The following CTBP2 variants were observed in gnomAD, a reference collection of about 807,000 sequenced individuals.
CTBP2 encodes C-terminal-binding protein 2.
In CTBP2, 30 loss-of-function variants were observed where a neutral mutation model predicts 80.3. The ratio of observed to expected loss-of-function variants is 0.37; its 90% CI spans 0.28 to 0.51. The LOEUF (loss-of-function observed/expected upper bound fraction) is 0.51, where lower values mean the gene tolerates loss of function less well. CTBP2 is among the 20% of genes least tolerant of loss of function. CTBP2 has a pLI of 0.93. For missense variants in CTBP2, 1,212 were observed against 1,375.3 expected (o/e 0.88, Z 1.88); for synonymous variants, 594 against 587.4 (o/e 1.01, Z -0.16).
chr10:125,148,389 G>A (rs925811143), intron 1 of CTBP2, among the ~76,000 whole-genome samples: 10 of 152,190 alleles, frequency 6.6e-5, no homozygotes, highest in African/African-American at 2.4e-4. Flanking sequence ...TGCTGCTGCA[G>A]CCCCCTTCCC....
chr10:125,038,729 T>C (rs369999726), intron 3 of CTBP2, among the ~76,000 whole-genome samples: 2 of 152,152 alleles, frequency 1.3e-5, no homozygotes, highest in African/African-American at 4.8e-5. Context: ...TAACCTTAGG[T>C]ACATGGAAGA....
Position 124,987,243 on chromosome 10 carries a change from C to T in CTBP2, c.*2275G>A, listed in dbSNP as rs1952073650. 6.6e-6 allele frequency: 1 copy of T among 152,540 alleles called. No homozygotes were observed. The highest frequency in any genetic ancestry group is 2.1e-4 in the South Asian group (1 of 4,830). The allele number at this position is 152,540 out of a possible 1,614,324, so 9.4% of individuals were successfully genotyped here. On this transcript the variant is annotated 3_prime_UTR_variant, in exon 9 of 9. Coordinates refer to ENST00000309035, the MANE Select transcript of CTBP2 (RefSeq NM_022802.3). Reference sequence around the variant, plus strand: ...TGATTATACGTGGCTAGGTGACAGACATTAATGACTGACTCTGGAGAGTAA... The same window carrying T: ...TGATTATACGTGGCTAGGTGACAGATATTAATGACTGACTCTGGAGAGTAA...
intron 2 of CTBP2, among the ~76,000 whole-genome samples, chr10:125,064,284 G>C (rs988062779): frequency 2.6e-5 from 4 of 152,174 alleles, no homozygotes; most frequent in Non-Finnish European, 4.4e-5. Context: ...GACAACAATG[G>C]ATTGATCTTT....
chr10:125,005,412 G>A (rs1221547428), intron 1 of CTBP2: 1 of 827,922 alleles, frequency 1.2e-6, no homozygotes, highest in Admixed American at 2.6e-5. Context: ...CACTCCTGCT[G>A]CTGCCCCGAC....
At chr10:125,151,392 G>T (rs1168302110) in intron 1 of CTBP2, among the ~76,000 whole-genome samples, 1 of 152,168 alleles carries the variant, frequency 6.6e-6, no homozygotes, top group African/African-American at 2.4e-5. Flanking sequence ...GAGTTCTGCT[G>T]AAGGTCTCAG....
intron 1 of CTBP2, among the ~76,000 whole-genome samples, chr10:125,025,241 AT>A (rs1183895460): frequency 6.6e-6 from 1 of 152,184 alleles, no homozygotes; most frequent in Non-Finnish European, 1.5e-5. Flanking sequence ...AAGAAAACTG[AT>A]TTACATTTTA....
chr10:125,107,446 CG>C (rs61288059), intron 2 of CTBP2, among the ~76,000 whole-genome samples: 18,957 of 142,370 alleles, frequency 0.13, 1,810 homozygotes, highest in African/African-American at 0.31. Context: ...GTGGCCATGG[CG>C]CCAACACCTC....
rs149564026 is a variant in CTBP2, at chr10:124,998,139, G to T, written c.2010C>A (p.Ala670=). The T allele has an allele frequency of 6.2e-7, 1 of 1,610,414 alleles. No individual in the cohort carries two copies. The highest frequency in any genetic ancestry group is 8.5e-7 in the Non-Finnish European group (1 of 1,178,834). ...TGGTAGAGTCCGCTGTCTCTTCCAC[G>T]GCTGCAGACGGGATGTTGCACACGG... The change falls in exon 4 of 9, where the codon GCC becomes GCA. Residue 670 remains alanine, a synonymous_variant. Transcript: ENST00000309035.
At chr10:125,035,340 T>G (rs1172034235) in intron 3 of CTBP2, among the ~76,000 whole-genome samples, 3 of 152,188 alleles carry the variant, frequency 2.0e-5, no homozygotes, top group Non-Finnish European at 4.4e-5. Flanking sequence ...GCTTGTTTAT[T>G]TAAGAGGAGG....
At chr10:125,099,647 T>C (rs1850294873) in intron 2 of CTBP2, among the ~76,000 whole-genome samples, 1 of 152,210 alleles carries the variant, frequency 6.6e-6, no homozygotes, top group South Asian at 2.1e-4. Context: ...AAATAAGCTC[T>C]TGAGTTGTCA....
chr10:125,025,145 GAA>G (rs55905611), intron 1 of CTBP2, among the ~76,000 whole-genome samples: 54,746 of 149,876 alleles, frequency 0.37, 10,362 homozygotes, highest in Admixed American at 0.5. Flanking sequence ...AGCTATTCAG[GAA>G]AAAAAAAAAT....
chr10:125,069,401 T>C (rs1209393537), intron 2 of CTBP2, among the ~76,000 whole-genome samples: 3 of 152,260 alleles, frequency 2.0e-5, no homozygotes, highest in African/African-American at 7.2e-5. Flanking sequence ...GTGGATCAAC[T>C]GAGGTTGGGA....
chr10:125,098,101 A>G (rs1359468231), intron 2 of CTBP2, among the ~76,000 whole-genome samples: 2 of 152,236 alleles, frequency 1.3e-5, no homozygotes, highest in Non-Finnish European at 2.9e-5. Flanking sequence ...AGTCTGGGCG[A>G]CAGAGCGAGA....
At chr10:125,047,367 G>A (rs938172073) in intron 2 of CTBP2, among the ~76,000 whole-genome samples, 1 of 152,208 alleles carries the variant, frequency 6.6e-6, no homozygotes, top group African/African-American at 2.4e-5. Flanking sequence ...CAAATTTTAG[G>A]CAGACAGAAG....
chr10:124,993,403 G>A (rs2134114027), intron 6 of CTBP2, 74 bp from the exon 9 acceptor site: 1 of 1,511,536 alleles, frequency 6.6e-7, no homozygotes, highest in Non-Finnish European at 9.0e-7. Flanking sequence ...GCACAAGGGA[G>A]CTCTTGGCCA....
At chr10:125,077,401 T>C (rs566511493) in intron 2 of CTBP2, among the ~76,000 whole-genome samples, 180 of 152,110 alleles carry the variant, frequency 1.2e-3, no homozygotes, top group Non-Finnish European at 2.0e-3. Context: ...CGGCACCTGT[T>C]GGGGATGGAG....
chr10:125,002,609 A>G (rs952839723), intron 3 of CTBP2, among the ~76,000 whole-genome samples: 2 of 152,022 alleles, frequency 1.3e-5, no homozygotes, highest in African/African-American at 4.8e-5. Context: ...CATTTAGGGG[A>G]CGCACCCAGC....
chr10:125,039,635 A>G (rs1590253291), intron 2 of CTBP2, among the ~76,000 whole-genome samples: 2 of 152,322 alleles, frequency 1.3e-5, no homozygotes, highest in Middle Eastern at 6.8e-3. Flanking sequence ...ACAGCCGCGC[A>G]GGGGTCAGGG....
intron 2 of CTBP2, among the ~76,000 whole-genome samples, chr10:125,068,760 T>C (rs1845019658): frequency 6.6e-6 from 1 of 152,178 alleles, no homozygotes; most frequent in African/African-American, 2.4e-5. Flanking sequence ...GACCAGGCCC[T>C]GGAAGGTGGG....
Sources: gnomAD v4.1 joint callset for allele counts (sites outside exome capture counted in the v4.1 genomes callset) on GRCh38, gnomAD v4.1.1 for gene constraint, MANE v1.5 for transcripts, NCBI Gene and HGNC (gene_info 2026-07-23, HGNC 2026-07-21) for gene names.